CALM2: variants seen among roughly 807,000 people sequenced by gnomAD.
CALM2 encodes calmodulin 2.
Under a neutral mutation model 19.8 loss-of-function variants are expected in CALM2, and 2 were observed. The ratio of observed to expected loss-of-function variants is 0.10; its 90% confidence interval spans 0.04 to 0.32. The LOEUF (loss-of-function observed/expected upper bound fraction) is 0.32, where lower values mean the gene tolerates loss of function less well. Ranked by LOEUF, CALM2 falls within the 10% of genes least tolerant of loss-of-function variation. CALM2 has a pLI of 1.00. For missense variants in CALM2, 38 were observed against 178.7 expected (o/e 0.21, Z 4.49); for synonymous variants, 51 against 52.1 (o/e 0.98, Z 0.09).
intron 2 of CALM2, among the ~76,000 whole-genome samples, chr2:47,165,806 C>T (rs1471954621): frequency 6.6e-6 from 1 of 152,162 alleles, no homozygotes; most frequent in Non-Finnish European, 1.5e-5. Flanking sequence ...TTCTATACTC[C>T]CAGGCAACCC....
At position 47,165,949 on chromosome 2, in the gene CALM2, G is replaced by C. The variant is rs181835608; in HGVS notation, c.35-3287C>G. Among the ~76,000 whole-genome samples, 31 of 152,254 alleles carry C rather than the reference G, an allele frequency of 2.0e-4. No individual in the cohort carries two copies. The East Asian group carries it at 5.2e-3, about 26-fold the overall frequency. ...CTCTACAACCAGTATTTTGGTTCAAGGCTCCATCGTCCTTTGCCAGGGCTA... is the reference window on the plus strand; with the variant it reads ...CTCTACAACCAGTATTTTGGTTCAACGCTCCATCGTCCTTTGCCAGGGCTA... On this transcript the variant is annotated intron_variant, in intron 2 of 5. Transcript: ENST00000272298.
At chr2:47,166,094 C>T (rs1666461473) in intron 2 of CALM2, among the ~76,000 whole-genome samples, 1 of 152,148 alleles carries the variant, frequency 6.6e-6, no homozygotes, top group Non-Finnish European at 1.5e-5. Flanking sequence ...AGATAGTATA[C>T]AGTGCTAACC....
chr2:47,176,408 G>A, intron 1 of CALM2, 33 bp downstream of exon 1: 1 of 1,611,810 alleles, frequency 6.2e-7, no homozygotes, highest in Non-Finnish European at 8.5e-7. Flanking sequence ...TCCCCCCACA[G>A]GCCCAGCGCC....
chr2:47,162,277 T>C lies in CALM2; in HGVS notation c.285+9A>G, dbSNP rs1687184796. ...CCTCAAAATTTAACATATCCAGTCCTTGACGTACCTTATCAAACACACGGA... is the reference window on the plus strand; with the variant it reads ...CCTCAAAATTTAACATATCCAGTCCCTGACGTACCTTATCAAACACACGGA... On this transcript the variant is annotated intron_variant, in intron 4 of 5. Transcript: ENST00000272298. 3.9e-6 allele frequency: 6 copies of C among 1,543,194 alleles called. No individual in the cohort carries two copies. Among genetic ancestry groups the C allele is most frequent in the African/African-American group, 2.7e-5 (2 of 72,834 alleles).
intron 1 of CALM2, chr2:47,176,180 C>T: frequency 1.9e-6 from 1 of 515,488 alleles, no homozygotes; most frequent in South Asian, 2.8e-5. Context: ...CTCCTCCAGC[C>T]AAGCCCCCGA....
intron 1 of CALM2, 70 bp from the exon 2 acceptor site, chr2:47,170,834 TA>T: frequency 2.3e-6 from 3 of 1,284,420 alleles, no homozygotes; most frequent in Non-Finnish European, 3.4e-6. Context: ...GAAACAAGTT[TA>T]AAACCTTTCA....
intron 2 of CALM2, among the ~76,000 whole-genome samples, chr2:47,168,923 G>A (rs1666579843): frequency 1.3e-5 from 2 of 152,044 alleles, no homozygotes; most frequent in Admixed American, 1.3e-4. Flanking sequence ...GATTACAGGT[G>A]CACGCCACCA....
chr2:47,166,320 G>A (rs1217378924), intron 2 of CALM2, among the ~76,000 whole-genome samples: 2 of 152,102 alleles, frequency 1.3e-5, no homozygotes, highest in African/African-American at 4.8e-5. Flanking sequence ...TCTCTGCTAT[G>A]GGTATCTTTT....
At chr2:47,169,511 C>G (rs1462344832) in intron 2 of CALM2, among the ~76,000 whole-genome samples, 1 of 150,958 alleles carries the variant, frequency 6.6e-6, no homozygotes. Flanking sequence ...CAGTGTAACT[C>G]AACAAAAAAA....
At chr2:47,173,966 C>A (rs761140321) in intron 1 of CALM2, 1 of 152,174 alleles carries the variant, frequency 6.6e-6, no homozygotes, top group Non-Finnish European at 1.5e-5. Context: ...GGCCTAAATT[C>A]TAGCTGAAGC....
intron 1 of CALM2, chr2:47,173,749 TA>T (rs1416345607): frequency 3.9e-5 from 6 of 152,262 alleles, no homozygotes; most frequent in African/African-American, 1.4e-4. Context: ...CATCAGGTGC[TA>T]CTTTGATACA....
At chr2:47,161,225 T>C (rs976448555) in intron 5 of CALM2, among the ~76,000 whole-genome samples, 6 of 152,228 alleles carry the variant, frequency 3.9e-5, no homozygotes, top group African/African-American at 1.4e-4. Flanking sequence ...ATCCTTCAGT[T>C]TCATATGCCT....
At chr2:47,170,501 C>T (rs1051539536) in intron 2 of CALM2, among the ~76,000 whole-genome samples, 1 of 152,186 alleles carries the variant, frequency 6.6e-6, no homozygotes, top group Admixed American at 6.5e-5. Flanking sequence ...AGTATATCCA[C>T]GCAGACTAAA....
intron 1 of CALM2, 64 bp from the exon 2 acceptor site, chr2:47,170,828 C>T: frequency 1.5e-6 from 2 of 1,372,926 alleles, no homozygotes; most frequent in South Asian, 2.3e-5. Context: ...GTTACAGAAA[C>T]AAGTTTAAAA....
chr2:47,164,261 A>G (rs147838349), intron 2 of CALM2, among the ~76,000 whole-genome samples: 5 of 24,392 alleles, frequency 2.0e-4, no homozygotes, highest in Non-Finnish European at 8.9e-4. Context: ...AAGAAGAAAA[A>G]GAAAAGAAAC....
intron 2 of CALM2, among the ~76,000 whole-genome samples, chr2:47,169,514 CA>C (rs568225455): frequency 4.1e-5 from 6 of 147,526 alleles, no homozygotes; most frequent in Admixed American, 1.3e-4. Context: ...TGTAACTCAA[CA>C]AAAAAAAAAT....
At chr2:47,176,624 A>G, upstream of CALM2, 1 of 1,512,288 alleles carries the variant, frequency 6.6e-7, no homozygotes, top group Admixed American at 2.0e-5. Context: ...CCCTCCCCTC[A>G]AACTCTTCTC....
chr2:47,173,148 A>C (rs1234031642), intron 1 of CALM2: 4 of 152,182 alleles, frequency 2.6e-5, no homozygotes, highest in African/African-American at 4.8e-5. Flanking sequence ...AACTTTTACC[A>C]GCAATATCCA....
At chr2:47,165,582 T>C (rs1480091547) in intron 2 of CALM2, among the ~76,000 whole-genome samples, 1 of 152,232 alleles carries the variant, frequency 6.6e-6, no homozygotes, top group African/African-American at 2.4e-5. Context: ...ATTTTCCTCC[T>C]ACCATATACT....
Sources: gnomAD v4.1 joint callset for allele counts (sites outside exome capture counted in the v4.1 genomes callset) on GRCh38, gnomAD v4.1.1 for gene constraint, MANE v1.5 for transcripts, NCBI Gene and HGNC (gene_info 2026-07-23, HGNC 2026-07-21) for gene names.